The following BANK1 variants were observed in gnomAD, a reference collection of about 807,000 sequenced individuals.
BANK1 encodes B-cell scaffold protein with ankyrin repeats.
In BANK1, 95 loss-of-function variants were observed where a neutral mutation model predicts 94.5. That is an observed-to-expected ratio of 1.00 (90% CI 0.85 to 1.19). The LOEUF (loss-of-function observed/expected upper bound fraction) is 1.19. Ranked by LOEUF, BANK1 falls within the 50% of genes most tolerant of loss-of-function variation. The pLI is 0.00. For missense variants in BANK1, 987 were observed against 932.2 expected (o/e 1.06, Z -0.77); for synonymous variants, 334 against 308.4 (o/e 1.08, Z -0.87).
At chr4:101,912,637 TATAA>T (rs1191484423) in intron 6 of BANK1, among the ~76,000 whole-genome samples, 2 of 148,260 alleles carry the variant, frequency 1.3e-5, no homozygotes, top group East Asian at 1.9e-4. Context: ...TTAATAAATA[TATAA>T]ATAAATATAA....
chr4:101,947,309 A>ATATATATATATG lies in BANK1; in HGVS notation c.1206+29123_1206+29124insATATATATGTAT, dbSNP rs1176507515. ...AATATATATATATATATATATATAT[A>ATATATATATATG]TATGTATATGTATTATGTATTATAT... On this transcript the variant is annotated intron_variant, in intron 7 of 16. Transcript: ENST00000322953. Among the ~76,000 whole-genome samples the ATATATATATATG allele has an allele frequency of 9.3e-3, 629 of 67,832 alleles. 36 individuals are homozygous for ATATATATATATG. Among genetic ancestry groups the ATATATATATATG allele is most frequent in the Middle Eastern group, 0.019 (2 of 108 alleles). 44.5% of individuals were successfully genotyped at this position (67,832 alleles called of 152,430 possible). A position where few individuals can be genotyped will look rare whatever the true frequency, so the allele number is the denominator to read the frequency against.
At chr4:102,012,470 A>T (rs925603180) in intron 7 of BANK1, among the ~76,000 whole-genome samples, 3 of 152,272 alleles carry the variant, frequency 2.0e-5, no homozygotes, top group African/African-American at 7.2e-5. Context: ...CTGGAAATAG[A>T]TTTGCAACAA....
intron 7 of BANK1, among the ~76,000 whole-genome samples, chr4:101,948,327 G>T (rs1422857250): frequency 6.6e-6 from 1 of 152,016 alleles, no homozygotes; most frequent in Non-Finnish European, 1.5e-5. Flanking sequence ...CCTGGCCTGT[G>T]CACCATCCTC....
At chr4:102,023,040 C>A (rs1026142331) in intron 8 of BANK1, among the ~76,000 whole-genome samples, 1 of 152,130 alleles carries the variant, frequency 6.6e-6, no homozygotes. Context: ...TATTATTTAT[C>A]TGGTTGTTGT....
chr4:101,966,114 A>G (rs1468513292), intron 7 of BANK1, among the ~76,000 whole-genome samples: 1 of 152,060 alleles, frequency 6.6e-6, no homozygotes, highest in Non-Finnish European at 1.5e-5. Context: ...TTTTTAAAAA[A>G]CAAATTTATT....
intron 7 of BANK1, among the ~76,000 whole-genome samples, chr4:101,950,128 T>C (rs916334236): frequency 8.5e-5 from 13 of 152,082 alleles, no homozygotes; most frequent in Non-Finnish European, 1.2e-4. Context: ...GCTTCTCAGA[T>C]TGCTGAGCTC....
chr4:102,067,132 G>C (rs1381799843), intron 13 of BANK1, among the ~76,000 whole-genome samples: 1 of 151,574 alleles, frequency 6.6e-6, no homozygotes, highest in Non-Finnish European at 1.5e-5. Flanking sequence ...AAAGAAATCA[G>C]TTAAAAAATA....
intron 1 of BANK1, among the ~76,000 whole-genome samples, chr4:101,827,104 T>C (rs1726395085): frequency 6.6e-6 from 1 of 151,776 alleles, no homozygotes; most frequent in Non-Finnish European, 1.5e-5. Context: ...TAAAATAATA[T>C]AAGTTTATTA....
intron 11 of BANK1, among the ~76,000 whole-genome samples, chr4:102,045,304 CG>C (rs763452008): frequency 6.6e-6 from 1 of 151,918 alleles, no homozygotes; most frequent in Admixed American, 6.6e-5. Context: ...ATAATAAGAG[CG>C]TATCTATGAC....
At chr4:102,073,922 A>G (rs755916458) in intron 16 of BANK1, 83 bp from the exon 17 acceptor site, 152 of 486,894 alleles carry the variant, frequency 3.1e-4, no homozygotes, top group Non-Finnish European at 5.0e-4. Flanking sequence ...AGATTTATGT[A>G]CAGGGGTGAT....
At chr4:101,869,643 G>C (rs899698144) in intron 4 of BANK1, among the ~76,000 whole-genome samples, 1 of 151,770 alleles carries the variant, frequency 6.6e-6, no homozygotes, top group Non-Finnish European at 1.5e-5. Context: ...AATATTCAAA[G>C]CTCTTATATT....
intron 13 of BANK1, among the ~76,000 whole-genome samples, 179 bp from the exon 14 acceptor site, chr4:102,071,096 G>C (rs1272183227): frequency 6.6e-6 from 1 of 152,072 alleles, no homozygotes; most frequent in South Asian, 2.1e-4. Flanking sequence ...AAAAGGCATG[G>C]TTTCACTCAC....
chr4:101,828,043 T>C (rs1415343904), intron 1 of BANK1, among the ~76,000 whole-genome samples: 1 of 151,866 alleles, frequency 6.6e-6, no homozygotes, highest in African/African-American at 2.4e-5. Flanking sequence ...TATATTATTA[T>C]AACTATAAAC....
chr4:101,819,858 G>A (rs1726072019), intron 1 of BANK1, among the ~76,000 whole-genome samples: 1 of 152,152 alleles, frequency 6.6e-6, no homozygotes. Context: ...AATCCAGCTG[G>A]TGTCCTATTT....
In BANK1 at chr4:101,872,753, G is replaced by A. The variant is rs530403217; in HGVS notation, c.903+2109G>A. 3.9e-5 allele frequency among the ~76,000 whole-genome samples: 6 copies of A among 152,022 alleles called. No individual in the cohort carries two copies. In the South Asian group the frequency reaches 6.2e-4, roughly 16 times the overall value. The stretch of plus-strand genomic sequence containing the variant: ...TGTGGTCTCAGTACTTTAGGAGTTC[G>A]AGGCAGGTGGATCACTTGAGGCCAA... On this transcript the variant is annotated intron_variant, in intron 5 of 16. Transcript: ENST00000322953.
At chr4:101,894,175 T>A (rs1484997020) in intron 5 of BANK1, among the ~76,000 whole-genome samples, 1 of 152,032 alleles carries the variant, frequency 6.6e-6, no homozygotes, top group Non-Finnish European at 1.5e-5. Flanking sequence ...ATTGCCCATA[T>A]GTGATTACAT....
chr4:101,802,599 AT>A (rs1336236972), intron 1 of BANK1, among the ~76,000 whole-genome samples: 2 of 152,196 alleles, frequency 1.3e-5, no homozygotes, highest in African/African-American at 4.8e-5. Flanking sequence ...TTGTGTTTGT[AT>A]GTAGTAATGA....
chr4:102,035,941 A>C (rs1194168195), intron 10 of BANK1, among the ~76,000 whole-genome samples: 2 of 152,232 alleles, frequency 1.3e-5, no homozygotes, highest in African/African-American at 2.4e-5. Flanking sequence ...GATTTAAGAC[A>C]AATCAGGGAA....
chr4:102,045,859 C>T (rs1275071943), intron 11 of BANK1, among the ~76,000 whole-genome samples: 5 of 151,836 alleles, frequency 3.3e-5, no homozygotes, highest in Admixed American at 6.6e-5. Flanking sequence ...TGAAAATGGC[C>T]GTACTGCCCA....
Sources: gnomAD v4.1 joint callset for allele counts (sites outside exome capture counted in the v4.1 genomes callset) on GRCh38, gnomAD v4.1.1 for gene constraint, MANE v1.5 for transcripts, NCBI Gene and HGNC (gene_info 2026-07-23, HGNC 2026-07-21) for gene names.